Variants in HSH2D observed in about 807,000 individuals in gnomAD.
HSH2D encodes the protein hematopoietic SH2 domain-containing protein.
HSH2D carries 16 observed loss-of-function variants against 21.5 expected under a neutral mutation model. That is an observed-to-expected ratio of 0.74 (90% CI 0.50 to 1.13). The LOEUF (loss-of-function observed/expected upper bound fraction) is 1.13, where lower values mean the gene tolerates loss of function less well. HSH2D is among the 50% of genes most tolerant of loss of function. HSH2D has a pLI of 0.00. For missense variants in HSH2D, 418 were observed against 441.4 expected, an observed-to-expected ratio of 0.95 and a Z score of 0.47; for synonymous variants, 172 against 184.7, an observed-to-expected ratio of 0.93 and a Z score of 0.56.
At chr19:16,152,291 G>A (rs1437003746) in intron 2 of HSH2D, among the ~76,000 whole-genome samples, 3 of 151,398 alleles carry the variant, frequency 2.0e-5, no homozygotes, top group African/African-American at 4.9e-5. Flanking sequence ...GGTGGCTGGC[G>A]CCTGTGGTCC....
intron 2 of HSH2D, 100 bp from the exon 3 acceptor site, chr19:16,152,452 C>A: frequency 7.4e-5 from 42 of 569,764 alleles, no homozygotes; most frequent in Non-Finnish European, 1.1e-4. Flanking sequence ...AAAATGAAAA[C>A]TACCAGCCTT....
At chr19:16,134,217 CAAT>C (rs1463627872) in exon 1 of HSH2D, 2 of 152,274 alleles carry the variant, frequency 1.3e-5, no homozygotes, top group Non-Finnish European at 2.9e-5. Context: ...ACTCCCCCAA[CAAT>C]GAGTTGTAAC....
rs1269444221 is a variant in HSH2D, at chr19:16,153,029, C to A, written c.216-14C>A. 1 of 1,606,494 alleles carries A rather than the reference C, an allele frequency of 6.2e-7. No homozygotes were observed. The highest frequency in any genetic ancestry group is 8.5e-7 in the Non-Finnish European group (1 of 1,176,690). On this transcript the variant is annotated splice_polypyrimidine_tract_variant and intron_variant, in intron 3 of 5. Coordinates refer to ENST00000613986, the MANE Select transcript of HSH2D (RefSeq NM_001382417.1). ...GGGGAGTAGGATGTCCCAGCCCCCGCAGTGTCTCCGCAGAGCCCAAAGCAG... is the reference window on the plus strand; with the variant it reads ...GGGGAGTAGGATGTCCCAGCCCCCGAAGTGTCTCCGCAGAGCCCAAAGCAG...
chr19:16,136,491 G>A (rs2090965102), intron 1 of HSH2D, among the ~76,000 whole-genome samples: 1 of 152,182 alleles, frequency 6.6e-6, no homozygotes, highest in African/African-American at 2.4e-5. Flanking sequence ...GGGCACCAGA[G>A]TCCTTGGCGG....
intron 2 of HSH2D, among the ~76,000 whole-genome samples, chr19:16,149,254 G>A (rs886446560): frequency 6.6e-6 from 1 of 152,190 alleles, no homozygotes; most frequent in African/African-American, 2.4e-5. Flanking sequence ...CCAGGCTGGA[G>A]TGCAGTGGTG....
chr19:16,136,408 G>A (rs576275494), intron 1 of HSH2D, among the ~76,000 whole-genome samples: 120 of 152,228 alleles, frequency 7.9e-4, no homozygotes, highest in African/African-American at 2.5e-3. Context: ...AGCTGCCTGG[G>A]CCCGAATCCC....
intron 1 of HSH2D, among the ~76,000 whole-genome samples, chr19:16,134,967 A>T (rs193157434): frequency 0.011 from 1,609 of 151,934 alleles, 10 homozygotes; most frequent in Non-Finnish European, 0.017. Flanking sequence ...TCTAAAAAAA[A>T]AAAAAAAAAA....
At chr19:16,138,423 A>G (rs544200535) in intron 1 of HSH2D, among the ~76,000 whole-genome samples, 1 of 152,264 alleles carries the variant, frequency 6.6e-6, no homozygotes, top group East Asian at 1.9e-4. Flanking sequence ...CAGACATACC[A>G]AGTTCTTTCC....
chr19:16,145,437 T>G (rs1033714371), intron 1 of HSH2D, among the ~76,000 whole-genome samples: 1 of 152,124 alleles, frequency 6.6e-6, no homozygotes, highest in African/African-American at 2.4e-5. Flanking sequence ...GGTCTCAAAC[T>G]CCCAGCCTCA....
chr19:16,149,106 G>A (rs2091112578), intron 2 of HSH2D, among the ~76,000 whole-genome samples: 1 of 152,142 alleles, frequency 6.6e-6, no homozygotes, highest in South Asian at 2.1e-4. Flanking sequence ...CTATACAAGT[G>A]GCCAACAGAC....
At chr19:16,149,623 G>A (rs2091121206) in intron 2 of HSH2D, among the ~76,000 whole-genome samples, 1 of 147,786 alleles carries the variant, frequency 6.8e-6, no homozygotes, top group South Asian at 2.1e-4. Flanking sequence ...TTCCGCTCCT[G>A]TTGCCCAGGC....
intron 1 of HSH2D, chr19:16,134,276 G>C (rs189606710): frequency 4.6e-5 from 7 of 152,300 alleles, no homozygotes; most frequent in Non-Finnish European, 8.8e-5. Context: ...TGGCAGTTCT[G>C]TACCCAGGTG....
upstream of HSH2D, among the ~76,000 whole-genome samples, chr19:16,138,844 G>A (rs2090980982): frequency 6.6e-6 from 1 of 151,506 alleles, no homozygotes; most frequent in Non-Finnish European, 1.5e-5. Context: ...CCCTAGAAGG[G>A]TGGGGACCAT....
At position 16,154,446 on chromosome 19, in the gene HSH2D, C is replaced by T. The variant is rs1014934871; in HGVS notation, c.429C>T (p.Asn143=). The change falls in exon 5 of 6, where the codon AAC becomes AAT. Residue 143 remains asparagine (N), a synonymous_variant. Coordinates refer to ENST00000613986, the MANE Select transcript of HSH2D (RefSeq NM_001382417.1). ...ACGAGGATCTCTTCCTCTACTCCAA[C>T]GCAGTGGCCGAGGAAGCTGCCTGCC... is the stretch of plus-strand genomic sequence containing the variant. ...VDYEDLFLYS[N]AVAEEAACPV... is the part of the protein sequence containing the mutation. 29 of 1,552,658 alleles carry T rather than the reference C, an allele frequency of 1.9e-5. No homozygotes were observed. The Admixed American group carries it at 2.2e-4, about 12-fold the overall frequency.
intron 1 of HSH2D, among the ~76,000 whole-genome samples, chr19:16,146,282 A>T (rs2091068346): frequency 6.6e-6 from 1 of 152,164 alleles, no homozygotes; most frequent in African/African-American, 2.4e-5. Flanking sequence ...TGAATTAATG[A>T]TGCATCTGAC....
chr19:16,147,494 A>G (rs2091087792), intron 1 of HSH2D, among the ~76,000 whole-genome samples: 1 of 147,714 alleles, frequency 6.8e-6, no homozygotes, highest in African/African-American at 2.6e-5. Context: ...AAAAAAAAAA[A>G]AAAAGAAAAA....
At chr19:16,138,755 C>A (rs1343766020), upstream of HSH2D, among the ~76,000 whole-genome samples, 1 of 152,110 alleles carries the variant, frequency 6.6e-6, no homozygotes, top group Non-Finnish European at 1.5e-5. Context: ...CGCACCCAGC[C>A]TGCCCTTGCT....
chr19:16,145,171 T>C (rs1421224655), intron 1 of HSH2D, among the ~76,000 whole-genome samples: 1 of 151,956 alleles, frequency 6.6e-6, no homozygotes, highest in Non-Finnish European at 1.5e-5. Flanking sequence ...CCTGAGTAGC[T>C]GAGACTACAG....
rs752081810 is a variant in HSH2D at position 16,157,317 on chromosome 19, C to G, written c.582C>G (p.Ser194=). 1.9e-6 allele frequency: 3 copies of G among 1,613,094 alleles called. No individual in the cohort carries two copies. Among genetic ancestry groups the G allele is most frequent in the Non-Finnish European group, 2.5e-6 (3 of 1,179,664 alleles). Residue 194 remains serine (S), a synonymous_variant, in exon 6 of 6, where the codon TCC becomes TCG. Coordinates refer to ENST00000613986, the MANE Select transcript of HSH2D (RefSeq NM_001382417.1). This position sits in a 1 kb window ranked among gnomAD's most constrained non-coding sequence, Gnocchi z 4.4. Reference sequence around the variant, plus strand: ...CCACTTCCTCCTGCCCCCCAAAATCCCCTCTTGGAGAGACCCGCCAGAAAC... The same window carrying G: ...CCACTTCCTCCTGCCCCCCAAAATCGCCTCTTGGAGAGACCCGCCAGAAAC... ...KEATSSCPPK[S]PLGETRQKLW... is the part of the protein sequence containing the mutation.
Sources: allele counts gnomAD v4.1 joint callset (sites outside exome capture counted in the v4.1 genomes callset), GRCh38; gene constraint gnomAD v4.1.1; non-coding constraint Gnocchi (gnomAD v3.1); transcripts MANE v1.5; gene names NCBI Gene and HGNC (gene_info 2026-07-23, HGNC 2026-07-21).